The following PRKACB variants were observed in gnomAD, a reference collection of about 807,000 sequenced individuals.
PRKACB encodes the protein cAMP-dependent protein kinase catalytic subunit beta.
Under a neutral mutation model 51.4 loss-of-function variants are expected in PRKACB, and 16 were observed. The ratio of observed to expected loss-of-function variants is 0.31; its 90% CI spans 0.21 to 0.47. The LOEUF is 0.47. Ranked by LOEUF, PRKACB falls within the 20% of genes least tolerant of loss-of-function variation. The pLI, the probability that PRKACB is intolerant of heterozygous loss-of-function variation, is 1.00. For missense variants in PRKACB, 309 were observed against 464.5 expected, an observed-to-expected ratio of 0.67 and a Z score of 3.08; for synonymous variants, 147 against 154.4, an observed-to-expected ratio of 0.95 and a Z score of 0.35.
intron 1 of PRKACB, among the ~76,000 whole-genome samples, chr1:84,147,624 T>C (rs1325865059): frequency 6.6e-6 from 1 of 151,956 alleles, no homozygotes. Flanking sequence ...CATAATGAAA[T>C]AGTTGCTTTA....
intron 8 of PRKACB, 147 bp downstream of exon 8, chr1:84,202,952 A>G: frequency 1.3e-6 from 1 of 752,584 alleles, no homozygotes; most frequent in Non-Finnish European, 1.9e-6. Flanking sequence ...TATCATAAGA[A>G]TTGAATCATT....
At chr1:84,154,036 T>C (rs1655156566) in intron 1 of PRKACB, among the ~76,000 whole-genome samples, 1 of 152,170 alleles carries the variant, frequency 6.6e-6, no homozygotes, top group Non-Finnish European at 1.5e-5. Flanking sequence ...GTGCTTGTTA[T>C]CTTTTGTCTT....
At chr1:84,124,733 T>C (rs538410995) in intron 1 of PRKACB, among the ~76,000 whole-genome samples, 2 of 152,306 alleles carry the variant, frequency 1.3e-5, no homozygotes, top group South Asian at 4.1e-4. Flanking sequence ...GTGGTAGTGG[T>C]GGTTGAGGGA....
chr1:84,111,828 G>GATATATATATATATATATATATAT (rs569118584), intron 1 of PRKACB, among the ~76,000 whole-genome samples: 3 of 151,694 alleles, frequency 2.0e-5, no homozygotes, highest in African/African-American at 7.3e-5. Context: ...TGCAAGACCT[G>GATATATATATATATATATATATAT]ATATATATAT....
chr1:84,220,323 T>A (rs1673511513), intron 9 of PRKACB, among the ~76,000 whole-genome samples: 1 of 152,156 alleles, frequency 6.6e-6, no homozygotes, highest in Admixed American at 6.5e-5. Context: ...GCACCTTTAC[T>A]TATTTTTTTA....
intron 1 of PRKACB, among the ~76,000 whole-genome samples, chr1:84,128,731 A>G (rs1651883794): frequency 6.6e-6 from 1 of 152,186 alleles, no homozygotes; most frequent in Non-Finnish European, 1.5e-5. Context: ...GCAGAAGAGG[A>G]AACCAAAGAT....
chr1:84,092,918 T>A (rs1648601338), intron 1 of PRKACB, among the ~76,000 whole-genome samples: 1 of 151,934 alleles, frequency 6.6e-6, no homozygotes, highest in South Asian at 2.1e-4. Flanking sequence ...CCCCATCCCT[T>A]TTTTTGTGGT....
chr1:84,171,685 A>G (rs897307732), intron 1 of PRKACB, among the ~76,000 whole-genome samples: 1 of 151,658 alleles, frequency 6.6e-6, no homozygotes, highest in East Asian at 1.9e-4. Context: ...ACTGTTAGTC[A>G]TAACCTGAGC....
chr1:84,111,254 A>G lies in PRKACB; in HGVS notation c.46+32883A>G, dbSNP rs1304048082. Among the ~76,000 whole-genome samples the G allele has an allele frequency of 3.3e-5, 5 of 152,046 alleles. No homozygotes were observed. The South Asian group carries it at 6.2e-4, about 19-fold the overall frequency. ...GGCACAATAAGACTTTGTTATTACT[A>G]TGATTGCACCAACATTGCTACTGAC... On this transcript the variant is annotated intron_variant, in intron 1 of 8. Transcript: ENST00000370688.
At chr1:84,170,554 G>C (rs1244875994) in intron 1 of PRKACB, among the ~76,000 whole-genome samples, 1 of 151,634 alleles carries the variant, frequency 6.6e-6, no homozygotes, top group Non-Finnish European at 1.5e-5. Flanking sequence ...CTCTACACCA[G>C]CTAATACAAA....
intron 1 of PRKACB, among the ~76,000 whole-genome samples, chr1:84,092,916 CT>C (rs1216960024): frequency 2.7e-5 from 4 of 150,440 alleles, no homozygotes; most frequent in South Asian, 2.1e-4. Flanking sequence ...TTCCCCATCC[CT>C]TTTTTTGTGG....
In PRKACB at chr1:84,229,972, A is replaced by G. The variant is rs1184523490; in HGVS notation, c.1072-5208A>G. On this transcript the variant is annotated intron_variant, in intron 9 of 9. Coordinates refer to ENST00000370685, the MANE Select transcript of PRKACB (RefSeq NM_182948.4). ...TTTGTCAATTTTGGCTTTTGTTGCC[A>G]TTGCTTTTGGTGTTTTAGACATGAA... Among the ~76,000 whole-genome samples the G allele has an allele frequency of 2.7e-5, 4 of 150,296 alleles. No individual in the cohort carries two copies. In the South Asian group the frequency reaches 8.4e-4, roughly 31 times the overall value.
At chr1:84,197,673 A>C (rs1668589221) in intron 6 of PRKACB, 56 bp from the exon 7 acceptor site, 2 of 1,181,306 alleles carry the variant, frequency 1.7e-6, no homozygotes, top group Admixed American at 2.3e-5. Flanking sequence ...AGGTGCAATA[A>C]ATACATTTAT....
At chr1:84,141,127 C>T (rs1228057367), upstream of PRKACB, among the ~76,000 whole-genome samples, 1 of 151,738 alleles carries the variant, frequency 6.6e-6, no homozygotes, top group East Asian at 1.9e-4. Flanking sequence ...AAAATTAATG[C>T]AGAATGAAGG....
At chr1:84,165,218 A>G (rs1030385510) in intron 1 of PRKACB, among the ~76,000 whole-genome samples, 54 of 151,852 alleles carry the variant, frequency 3.6e-4, no homozygotes, top group Admixed American at 2.4e-3. Flanking sequence ...TTAATAATCA[A>G]TACCAATAAT....
chr1:84,226,266 G>A (rs1674574308), intron 9 of PRKACB, among the ~76,000 whole-genome samples: 1 of 99,280 alleles, frequency 1.0e-5, no homozygotes, highest in African/African-American at 2.8e-5. Context: ...ATGGTTTGTG[G>A]GTTTTTTGTT....
chr1:84,186,343 C>T (rs562533780), intron 5 of PRKACB, among the ~76,000 whole-genome samples: 20 of 152,078 alleles, frequency 1.3e-4, no homozygotes, highest in Non-Finnish European at 2.8e-4. Context: ...CTCAGCCACC[C>T]GAGTAGCTGG....
intron 1 of PRKACB, chr1:84,173,232 A>T (rs1352528313): frequency 2.7e-6 from 2 of 742,336 alleles, no homozygotes; most frequent in African/African-American, 3.7e-5. Flanking sequence ...TTCTATTTCT[A>T]TGTGCAGTAC....
intron 1 of PRKACB, among the ~76,000 whole-genome samples, chr1:84,130,444 A>G (rs1398923061): frequency 6.6e-6 from 1 of 152,174 alleles, no homozygotes; most frequent in African/African-American, 2.4e-5. Flanking sequence ...GAATTAGAAC[A>G]GAAGATCAGG....
Sources: gnomAD v4.1 joint callset for allele counts (sites outside exome capture counted in the v4.1 genomes callset) on GRCh38, gnomAD v4.1.1 for gene constraint, MANE v1.5 for transcripts, NCBI Gene and HGNC (gene_info 2026-07-23, HGNC 2026-07-21) for gene names.